ZNF420: variants seen among roughly 807,000 people sequenced by gnomAD.
ZNF420 encodes ATM and p53-associated KZNF protein.
A neutral mutation model predicts 44.7 loss-of-function variants in ZNF420; 31 were observed. The observed-to-expected ratio is 0.69, with a 90% confidence interval of 0.52 to 0.94. The LOEUF (loss-of-function observed/expected upper bound fraction) is 0.94. Among genes scored for constraint, ZNF420 ranks in the 40% least tolerant of loss-of-function variants. The probability of loss-of-function intolerance (pLI) is 0.00; values close to 1 mark genes in which losing one functional copy is unlikely to be tolerated. For synonymous variants in ZNF420, 245 were observed against 267.4 expected (o/e 0.92, Z 0.82); for missense variants, 681 against 827.9 (o/e 0.82, Z 2.18).
Position 37,128,235 on chromosome 19 carries a change from G to A in ZNF420, c.1244G>A (p.Gly415Asp). ...QLTQHQRIHT[G>D]EKPYQCKECG... ...ACTCAACATCAGAGAATACACACTG[G>A]TGAGAAACCCTATCAATGTAAGGAA... is the stretch of plus-strand genomic sequence containing the variant. Residue 415 changes from glycine to aspartate, a missense_variant, in exon 5 of 5, where the codon GGT becomes GAT. Gly to Asp is a moderately conservative substitution (Grantham distance 94). This residue lies in a region of ZNF420 where 280 missense variants were observed against 338.6 expected (regional missense o/e 0.83). Coordinates refer to ENST00000337995, the MANE Select transcript of ZNF420 (RefSeq NM_144689.5). The A allele has an allele frequency of 6.2e-7, 1 of 1,614,034 alleles. No homozygotes were observed. Among genetic ancestry groups the A allele is most frequent in the Non-Finnish European group, 8.5e-7 (1 of 1,179,962 alleles).
intron 4 of ZNF420, among the ~76,000 whole-genome samples, chr19:37,126,063 T>G (rs1971330603): frequency 6.6e-6 from 1 of 152,208 alleles, no homozygotes; most frequent in African/African-American, 2.4e-5. Context: ...GGCTTATCTC[T>G]TTGATTTTCA....
At chr19:37,096,939 C>A (rs573508072) in intron 4 of ZNF420, among the ~76,000 whole-genome samples, 75 of 150,342 alleles carry the variant, frequency 5.0e-4, no homozygotes, top group Non-Finnish European at 8.7e-4. Flanking sequence ...CGCTGTGTCA[C>A]CCAGGCTGGA....
intron 4 of ZNF420, among the ~76,000 whole-genome samples, chr19:37,113,852 CACCAA>C (rs557476463): frequency 0.019 from 2,930 of 152,184 alleles, 78 homozygotes; most frequent in East Asian, 0.049. Flanking sequence ...CCCATCAATC[CACCAA>C]GTCTTCACCA....
intron 1 of ZNF420, among the ~76,000 whole-genome samples, chr19:37,054,688 C>T (rs907718657): frequency 2.6e-5 from 4 of 152,170 alleles, no homozygotes; most frequent in African/African-American, 9.7e-5. Context: ...ATAGCAAACA[C>T]GGTGGAGGGT....
intron 1 of ZNF420, among the ~76,000 whole-genome samples, chr19:37,044,918 G>T (rs745801224): frequency 6.6e-6 from 1 of 152,200 alleles, no homozygotes; most frequent in Non-Finnish European, 1.5e-5. Flanking sequence ...CCATATGTAA[G>T]CTTTTGGAGC....
chr19:37,051,115 T>C (rs1174155533), intron 1 of ZNF420, among the ~76,000 whole-genome samples: 4 of 152,192 alleles, frequency 2.6e-5, no homozygotes, highest in African/African-American at 9.7e-5. Context: ...CTGCTGGATT[T>C]GGTTTGCCAG....
intron 1 of ZNF420, among the ~76,000 whole-genome samples, chr19:37,053,557 T>C (rs190366023): frequency 3.3e-5 from 5 of 152,362 alleles, no homozygotes; most frequent in Admixed American, 3.3e-4. Flanking sequence ...GTCCTTTCTG[T>C]TTGTTAGTTT....
Position 37,128,802 on chromosome 19 carries a change from T to C in ZNF420, c.1811T>C (p.Leu604Pro), listed in dbSNP as rs1008886618. ...TTTAGTCATGGCTCTCAGCTTACTC[T>C]ACATCAGAGAATCCATACTGGTGAG... ...KAFSHGSQLT[L>P]HQRIHTGEKP... The change falls in exon 5 of 5, where the codon CTA becomes CCA. Residue 604 changes from leucine to proline, a missense_variant. Around this residue, in one of 3 missense-constraint regions of ZNF420, gnomAD observed 280 missense variants for 338.6 expected, o/e 0.83. Coordinates refer to ENST00000337995, the MANE Select transcript of ZNF420 (RefSeq NM_144689.5). 1.2e-6 allele frequency: 2 copies of C among 1,609,396 alleles called. No individual in the cohort carries two copies. Among genetic ancestry groups the C allele is most frequent in the African/African-American group, 2.7e-5 (2 of 73,206 alleles).
intron 1 of ZNF420, among the ~76,000 whole-genome samples, chr19:37,009,465 C>T (rs1161613507): frequency 6.6e-6 from 1 of 152,180 alleles, no homozygotes; most frequent in African/African-American, 2.4e-5. Flanking sequence ...GTCTCGCCAT[C>T]GCCCCATATG....
intron 2 of ZNF420, among the ~76,000 whole-genome samples, chr19:37,086,248 A>C (rs1968771843): frequency 6.6e-6 from 1 of 152,014 alleles, no homozygotes. Context: ...CCACATTTGC[A>C]CTGATCTGCC....
At chr19:37,039,079 C>T (rs1967409132) in intron 1 of ZNF420, among the ~76,000 whole-genome samples, 1 of 152,160 alleles carries the variant, frequency 6.6e-6, no homozygotes, top group South Asian at 2.1e-4. Context: ...GTTATCTCCA[C>T]CACAACTGTG....
chr19:37,119,549 A>G (rs939641904), intron 4 of ZNF420, among the ~76,000 whole-genome samples: 7 of 152,198 alleles, frequency 4.6e-5, no homozygotes, highest in Non-Finnish European at 7.3e-5. Flanking sequence ...CCCTAACACC[A>G]CAATTAAAAG....
chr19:37,037,060 C>G (rs1288947339), intron 1 of ZNF420, among the ~76,000 whole-genome samples: 1 of 152,154 alleles, frequency 6.6e-6, no homozygotes, highest in African/African-American at 2.4e-5. Flanking sequence ...TGCGTACCCC[C>G]GTGTGGGGGA....
At chr19:37,078,177 A>C (rs1435859207), upstream of ZNF420, 1 of 152,280 alleles carries the variant, frequency 6.6e-6, no homozygotes, top group Non-Finnish European at 1.5e-5. Flanking sequence ...GCAGGCCCTG[A>C]GCGTCTGACG....
intron 1 of ZNF420, among the ~76,000 whole-genome samples, chr19:37,065,077 GT>G (rs1489410408): frequency 3.3e-5 from 5 of 152,176 alleles, no homozygotes; most frequent in Admixed American, 2.6e-4. Context: ...AGCTGTGATG[GT>G]TTAGCATTTG....
intron 1 of ZNF420, among the ~76,000 whole-genome samples, chr19:37,073,225 C>T (rs1160400770): frequency 6.6e-6 from 1 of 152,076 alleles, no homozygotes; most frequent in Non-Finnish European, 1.5e-5. Flanking sequence ...AGAAAAATGT[C>T]ACTGACATAA....
At position 37,128,196 on chromosome 19, in the gene ZNF420, A is replaced by G. The variant is rs1971464493; in HGVS notation, c.1205A>G (p.His402Arg). The G allele has an allele frequency of 6.2e-7, 1 of 1,614,070 alleles. No individual in the cohort carries two copies. Among genetic ancestry groups the G allele is most frequent in the Non-Finnish European group, 8.5e-7 (1 of 1,179,962 alleles). The change falls in exon 5 of 5, where the codon CAT (histidine) becomes CGT (arginine). Residue 402 changes from histidine (H) to arginine (R), a missense_variant. Coordinates refer to ENST00000337995, the MANE Select transcript of ZNF420 (RefSeq NM_144689.5). Reference protein sequence around the residue: ...ECKECGKMFSHGSQLTQHQRI... With the variant: ...ECKECGKMFSRGSQLTQHQRI... The stretch of plus-strand genomic sequence containing the variant: ...AAGGAATGTGGAAAGATGTTTAGTC[A>G]TGGCTCACAACTTACTCAACATCAG...
chr19:37,121,718 CCTA>C (rs1423423373), intron 4 of ZNF420, among the ~76,000 whole-genome samples: 1 of 152,148 alleles, frequency 6.6e-6, no homozygotes, highest in African/African-American at 2.4e-5. Context: ...ATTTTCGCAA[CCTA>C]CTCCTCTGAC....
chr19:37,054,035 C>T (rs4396636), intron 1 of ZNF420, among the ~76,000 whole-genome samples: 79,564 of 152,056 alleles, frequency 0.52, 21,539 homozygotes, highest in African/African-American at 0.63. Flanking sequence ...CCGCTTTGTT[C>T]ACCTACTGAC....
Sources: allele counts gnomAD v4.1 joint callset (sites outside exome capture counted in the v4.1 genomes callset), GRCh38; gene constraint gnomAD v4.1.1; regional missense constraint gnomAD v4.1.1; transcripts MANE v1.5; gene names NCBI Gene and HGNC (gene_info 2026-07-23, HGNC 2026-07-21).